Variants in PEAK1 observed in about 807,000 individuals in gnomAD.
PEAK1 encodes pseudopodium enriched atypical kinase 1.
A neutral mutation model predicts 124.7 loss-of-function variants in PEAK1; 54 were observed. The ratio of observed to expected loss-of-function variants is 0.43; its 90% CI spans 0.35 to 0.54. The LOEUF is 0.54. Ranked by LOEUF, PEAK1 falls within the 20% of genes least tolerant of loss-of-function variation. PEAK1 has a pLI of 0.01. For missense variants in PEAK1, 2,046 were observed against 2,134.5 expected, an observed-to-expected ratio of 0.96 and a Z score of 0.82; for synonymous variants, 719 against 760.0, an observed-to-expected ratio of 0.95 and a Z score of 0.89.
At chr15:77,193,492 G>A (rs1032653759) in intron 6 of PEAK1, among the ~76,000 whole-genome samples, 5 of 152,132 alleles carry the variant, frequency 3.3e-5, no homozygotes, top group African/African-American at 1.2e-4. Flanking sequence ...TTTGAGTGGA[G>A]ATACGTGTCC....
intron 2 of PEAK1, among the ~76,000 whole-genome samples, chr15:77,326,113 T>C (rs2065561200): frequency 6.6e-6 from 1 of 152,090 alleles, no homozygotes; most frequent in Non-Finnish European, 1.5e-5. Flanking sequence ...AGCAGTTAAG[T>C]CTCCCCATTT....
Position 77,179,467 on chromosome 15 carries a change from G to C in PEAK1, c.2460C>G (p.Leu820=). Residue 820 remains leucine (L), a synonymous_variant, in exon 7 of 10, where the codon CTC becomes CTG. Transcript: ENST00000682557. ...PKSTPVRPKS[L]FTSQPSGEAE... is the part of the protein sequence containing the mutation. ...CCTCACCACTAGGCTGAGATGTAAA[G>C]AGAGATTTGGGCCGGACTGGCGTAC... 6.2e-7 allele frequency: 1 copy of C among 1,614,140 alleles called. No individual in the cohort carries two copies. The highest frequency in any genetic ancestry group is 8.5e-7 in the Non-Finnish European group (1 of 1,180,004).
chr15:77,148,023 C>G (rs909292621), intron 8 of PEAK1, among the ~76,000 whole-genome samples: 2 of 152,096 alleles, frequency 1.3e-5, no homozygotes, highest in Non-Finnish European at 2.9e-5. Context: ...CTAGTGGTGA[C>G]TGTATTGAAT....
chr15:77,256,846 A>G (rs1013228379), intron 5 of PEAK1, among the ~76,000 whole-genome samples: 1 of 151,976 alleles, frequency 6.6e-6, no homozygotes, highest in African/African-American at 2.4e-5. Context: ...ATTTAGCATT[A>G]GCTATATCTC....
intron 1 of PEAK1, among the ~76,000 whole-genome samples, chr15:77,389,027 A>G (rs535449585): frequency 7.3e-6 from 1 of 136,582 alleles, no homozygotes; most frequent in East Asian, 2.1e-4. Context: ...CAATGGTGCT[A>G]TCTTGGCTCA....
chr15:77,162,395 G>A (rs373414182), intron 7 of PEAK1, among the ~76,000 whole-genome samples: 19 of 150,268 alleles, frequency 1.3e-4, no homozygotes, highest in African/African-American at 4.2e-4. Context: ...CGGGGAGGCC[G>A]AGGCAGAAGA....
At chr15:77,365,513 G>A (rs762514936) in intron 1 of PEAK1, among the ~76,000 whole-genome samples, 3 of 152,134 alleles carry the variant, frequency 2.0e-5, no homozygotes, top group South Asian at 2.1e-4. Context: ...TGAGGTGGGC[G>A]GGTCACCTGA....
At chr15:77,262,778 AC>A (rs1463561503) in intron 5 of PEAK1, among the ~76,000 whole-genome samples, 2 of 151,934 alleles carry the variant, frequency 1.3e-5, no homozygotes, top group Non-Finnish European at 2.9e-5. Flanking sequence ...AGAACTCTCC[AC>A]CCCAAATCAA....
intron 2 of PEAK1, chr15:77,349,651 C>T: frequency 1.0e-6 from 1 of 984,768 alleles, no homozygotes; most frequent in African/African-American, 1.7e-5. Flanking sequence ...TATTCACGTA[C>T]TTCAAAATTA....
intron 1 of PEAK1, chr15:77,417,917 A>T (rs2073020261): frequency 1.0e-6 from 1 of 981,844 alleles, no homozygotes; most frequent in South Asian, 4.7e-5. Flanking sequence ...AGCAAATAAA[A>T]GTTTTTAAGC....
chr15:77,165,806 T>C (rs916808060), intron 7 of PEAK1, among the ~76,000 whole-genome samples: 2 of 152,186 alleles, frequency 1.3e-5, no homozygotes, highest in African/African-American at 2.4e-5. Flanking sequence ...ACAATAATTC[T>C]CATTTTACAG....
chr15:77,277,787 G>T (rs2062414028), intron 5 of PEAK1, among the ~76,000 whole-genome samples: 1 of 152,128 alleles, frequency 6.6e-6, no homozygotes. Context: ...CCAACTATAT[G>T]ACATTCTGAA....
At position 77,152,177 on chromosome 15, in the gene PEAK1, G is replaced by A. The variant is rs186601183; in HGVS notation, c.3331+6326C>T. 5.6e-3 allele frequency among the ~76,000 whole-genome samples: 856 copies of A among 152,210 alleles called. 4 individuals carry two copies. Among genetic ancestry groups the A allele is most frequent in the Non-Finnish European group, 8.0e-3 (545 of 68,022 alleles). ...CTTTTATTTCATTGAGCAGTGGTTT[G>A]TAGTTCTCCTTGAAGAGGTCCTTCA... On this transcript the variant is annotated intron_variant, in intron 8 of 9. Transcript: ENST00000682557.
At chr15:77,141,969 C>T (rs909642639) in intron 8 of PEAK1, among the ~76,000 whole-genome samples, 7 of 151,796 alleles carry the variant, frequency 4.6e-5, no homozygotes, top group African/African-American at 1.7e-4. Flanking sequence ...GTATAAGTAA[C>T]AAAAGAAAAA....
At position 77,188,379 on chromosome 15, in the gene PEAK1, G is replaced by A. The variant is rs151104612; in HGVS notation, c.-114-6339C>T. Among the ~76,000 whole-genome samples the A allele has an allele frequency of 2.5e-3, 374 of 152,200 alleles. 2 individuals are homozygous for A. Among genetic ancestry groups the A allele is most frequent in the African/African-American group, 8.3e-3 (345 of 41,522 alleles). ...AAATGCACCCCTGCAAAGCAGCACC[G>A]CTCAGTTCCAACTAATTTTTAAATT... is the stretch of plus-strand genomic sequence containing the variant. On this transcript the variant is annotated intron_variant, in intron 6 of 9. Transcript: ENST00000682557.
intron 6 of PEAK1, among the ~76,000 whole-genome samples, chr15:77,232,856 C>T (rs2059964754): frequency 6.6e-6 from 1 of 152,190 alleles, no homozygotes; most frequent in Non-Finnish European, 1.5e-5. Context: ...AGCGATTCTC[C>T]TGCCTCAGCC....
At position 77,320,358 on chromosome 15, in the gene PEAK1, T is replaced by C. The variant is rs534907278; in HGVS notation, c.-602-33854A>G. On this transcript the variant is annotated intron_variant, in intron 2 of 9. Coordinates refer to ENST00000682557, the MANE Select transcript of PEAK1 (RefSeq NM_001385026.1). ...AGAATAAAACACTCTATCTCATATA[T>C]TTTATATCCCTAGTGCTGATCATGA... is the stretch of plus-strand genomic sequence containing the variant. Among the ~76,000 whole-genome samples the C allele has an allele frequency of 2.3e-4, 35 of 152,306 alleles. 2 individuals carry two copies. The South Asian group carries it at 6.6e-3, about 29-fold the overall frequency.
intron 5 of PEAK1, among the ~76,000 whole-genome samples, chr15:77,264,815 G>C: frequency 6.6e-6 from 1 of 151,858 alleles, no homozygotes; most frequent in East Asian, 1.9e-4. Context: ...TAAGCCAAAA[G>C]AACAAAGCTG....
At chr15:77,292,455 C>G (rs1210810538) in intron 2 of PEAK1, among the ~76,000 whole-genome samples, 1 of 151,740 alleles carries the variant, frequency 6.6e-6, no homozygotes, top group East Asian at 1.9e-4. Flanking sequence ...TTTGGGACAA[C>G]ACTGGGGGCC....
Sources: gnomAD v4.1 joint callset for allele counts (sites outside exome capture counted in the v4.1 genomes callset) on GRCh38, gnomAD v4.1.1 for gene constraint, MANE v1.5 for transcripts, NCBI Gene and HGNC (gene_info 2026-07-23, HGNC 2026-07-21) for gene names.